The following ZNF362 variants were observed in gnomAD, a reference collection of about 807,000 sequenced individuals.
ZNF362 encodes zinc finger protein 362.
In ZNF362, 11 loss-of-function variants were observed where a neutral mutation model predicts 42.9. The ratio of observed to expected loss-of-function variants is 0.26; its 90% CI spans 0.16 to 0.42. The LOEUF (loss-of-function observed/expected upper bound fraction) is 0.42. Ranked by LOEUF, ZNF362 falls within the 20% of genes least tolerant of loss-of-function variation. The probability of loss-of-function intolerance (pLI) is 1.00; values close to 1 mark genes in which losing one functional copy is unlikely to be tolerated. For synonymous variants in ZNF362, 255 were observed against 257.3 expected, an observed-to-expected ratio of 0.99 and a Z score of 0.09; for missense variants, 362 against 576.2, an observed-to-expected ratio of 0.63 and a Z score of 3.81.
chr1:33,206,879 T>C, the ZNF362 span, among the ~76,000 whole-genome samples: 1 of 152,190 alleles, frequency 6.6e-6, no homozygotes, highest in African/African-American at 2.4e-5. Context: ...TACAATAAGA[T>C]ACTACTATGC....
At chr1:33,144,381 G>A in the ZNF362 span, among the ~76,000 whole-genome samples, 3 of 152,240 alleles carry the variant, frequency 2.0e-5, no homozygotes, top group African/African-American at 4.8e-5. Flanking sequence ...CAGGTGATCC[G>A]CCTGCCTTGG....
At chr1:33,279,381 T>A (rs964303224) in intron 4 of ZNF362, among the ~76,000 whole-genome samples, 1 of 152,150 alleles carries the variant, frequency 6.6e-6, no homozygotes, top group African/African-American at 2.4e-5. Context: ...TAAGGCTTCA[T>A]TAAGGCTTTG....
At chr1:33,143,839 G>A in the ZNF362 span, among the ~76,000 whole-genome samples, 3 of 152,218 alleles carry the variant, frequency 2.0e-5, no homozygotes, top group African/African-American at 7.2e-5. Context: ...GTAGCAAATG[G>A]AAGAAGCTAC....
chr1:33,292,373 T>C (rs896695760), intron 6 of ZNF362, among the ~76,000 whole-genome samples: 2 of 152,244 alleles, frequency 1.3e-5, no homozygotes, highest in African/African-American at 4.8e-5. Context: ...ATTACATTTA[T>C]TGATTTGCGT....
intron 1 of ZNF362, among the ~76,000 whole-genome samples, chr1:33,265,166 A>G (rs1233097286): frequency 6.6e-6 from 1 of 151,216 alleles, no homozygotes. Context: ...AGGGAGGGGG[A>G]TGTGCTCCAA....
the ZNF362 span, among the ~76,000 whole-genome samples, chr1:33,184,493 A>G: frequency 6.6e-6 from 1 of 152,356 alleles, no homozygotes; most frequent in Middle Eastern, 3.4e-3. Flanking sequence ...CTAATAGAAC[A>G]TAAATAGAAA....
chr1:33,185,770 T>TC, the ZNF362 span, among the ~76,000 whole-genome samples: 1 of 150,010 alleles, frequency 6.7e-6, no homozygotes, highest in Non-Finnish European at 1.5e-5. Flanking sequence ...CATCAGGAAT[T>TC]TTTTTTTCTG....
chr1:33,278,463 GTTTATAA>G (rs1645967380), intron 4 of ZNF362, among the ~76,000 whole-genome samples: 1 of 152,170 alleles, frequency 6.6e-6, no homozygotes, highest in Non-Finnish European at 1.5e-5. Flanking sequence ...ATTTTCATAT[GTTTATAA>G]TTTATTTTAT....
chr1:33,230,434 G>A, the ZNF362 span, among the ~76,000 whole-genome samples: 1 of 152,146 alleles, frequency 6.6e-6, no homozygotes, highest in South Asian at 2.1e-4. Context: ...TTTTACCAAG[G>A]AAAGGAAAAG....
At chr1:33,249,566 C>T in the ZNF362 span, among the ~76,000 whole-genome samples, 1 of 152,084 alleles carries the variant, frequency 6.6e-6, no homozygotes, top group Non-Finnish European at 1.5e-5. Flanking sequence ...CCCCACTCCC[C>T]CAAGAAAGTG....
chr1:33,235,274 C>T, the ZNF362 span, among the ~76,000 whole-genome samples: 1 of 152,136 alleles, frequency 6.6e-6, no homozygotes, highest in African/African-American at 2.4e-5. Context: ...CACACCTTTG[C>T]ATGTGCTGTC....
the ZNF362 span, chr1:33,143,217 G>C: frequency 6.6e-6 from 1 of 152,188 alleles, no homozygotes; most frequent in Non-Finnish European, 1.5e-5. Context: ...GGAGTCCCCA[G>C]TTGATAATGC....
At chr1:33,156,384 C>T in the ZNF362 span, among the ~76,000 whole-genome samples, 1 of 152,230 alleles carries the variant, frequency 6.6e-6, no homozygotes, top group African/African-American at 2.4e-5. Flanking sequence ...CCAATGACTT[C>T]CCTGTTGCTA....
chr1:33,207,217 T>G, the ZNF362 span, among the ~76,000 whole-genome samples: 2 of 152,094 alleles, frequency 1.3e-5, no homozygotes, highest in African/African-American at 4.8e-5. Flanking sequence ...TTTCTGTCTT[T>G]GTGATATTTT....
At chr1:33,142,058 A>T in the ZNF362 span, 1 of 152,282 alleles carries the variant, frequency 6.6e-6, no homozygotes, top group Non-Finnish European at 1.5e-5. Flanking sequence ...AGGGGAAATA[A>T]CCGTGTCCTG....
the ZNF362 span, among the ~76,000 whole-genome samples, chr1:33,188,384 T>A: frequency 2.0e-5 from 3 of 152,326 alleles, no homozygotes; most frequent in East Asian, 1.9e-4. Flanking sequence ...GTGAATAACA[T>A]GGTCATGTGC....
chr1:33,293,444 G>T (rs1343460988), intron 6 of ZNF362, among the ~76,000 whole-genome samples: 1 of 152,204 alleles, frequency 6.6e-6, no homozygotes, highest in Non-Finnish European at 1.5e-5. Context: ...TGGTAGCAGG[G>T]AGTGTTTCTT....
intron 1 of ZNF362, among the ~76,000 whole-genome samples, chr1:33,256,986 G>A (rs1226769857): frequency 6.6e-6 from 1 of 152,038 alleles, no homozygotes; most frequent in Non-Finnish European, 1.5e-5. Flanking sequence ...GCAATTCTCC[G>A]GTAAACAATG....
chr1:33,139,099 A>T, the ZNF362 span, among the ~76,000 whole-genome samples: 1 of 152,226 alleles, frequency 6.6e-6, no homozygotes, highest in African/African-American at 2.4e-5. Context: ...TTCATTTTTT[A>T]AAATGAGCAC....
Sources: gnomAD v4.1 joint callset for allele counts (sites outside exome capture counted in the v4.1 genomes callset) on GRCh38, gnomAD v4.1.1 for gene constraint, MANE v1.5 for transcripts, NCBI Gene and HGNC (gene_info 2026-07-23, HGNC 2026-07-21) for gene names.